Variants in TRHR observed in about 807,000 individuals in gnomAD.
TRHR encodes the protein thyrotropin-releasing hormone receptor.
In TRHR, 14 loss-of-function variants were observed where a neutral mutation model predicts 28.0. The observed-to-expected ratio is 0.50, with a 90% CI of 0.33 to 0.78. The LOEUF (loss-of-function observed/expected upper bound fraction) is 0.78, where lower values mean the gene tolerates loss of function less well. Ranked by LOEUF, TRHR falls within the 30% of genes least tolerant of loss-of-function variation. The probability of loss-of-function intolerance (pLI) is 0.02; values close to 1 mark genes in which losing one functional copy is unlikely to be tolerated. For synonymous variants in TRHR, 176 were observed against 171.9 expected (o/e 1.02, Z -0.18); for missense variants, 438 against 469.5 (o/e 0.93, Z 0.62).
In TRHR at chr8:109,119,980, A is replaced by T. The variant is rs189512889; in HGVS notation, c.*525A>T. Among the ~76,000 whole-genome samples, 45 of 152,012 alleles carry T rather than the reference A, an allele frequency of 3.0e-4. No individual in the cohort carries two copies. The highest frequency in any genetic ancestry group is 2.9e-4 in the Non-Finnish European group (20 of 67,860). On this transcript the variant is annotated 3_prime_UTR_variant, in exon 3 of 3. Transcript: ENST00000518632. ...ATTTTATTTATTGAGTAAAAATAAG[A>T]TTTTAGACATACATGTTAACTGTAT...
intron 2 of TRHR, among the ~76,000 whole-genome samples, chr8:109,101,047 G>A (rs1811671774): frequency 6.6e-6 from 1 of 152,144 alleles, no homozygotes; most frequent in Non-Finnish European, 1.5e-5. Flanking sequence ...AGCTTCTAAT[G>A]GCTATGGAAA....
chr8:109,091,377 A>G (rs1320721151), intron 2 of TRHR, among the ~76,000 whole-genome samples: 1 of 152,194 alleles, frequency 6.6e-6, no homozygotes, highest in Non-Finnish European at 1.5e-5. Context: ...AGTTTTGTAC[A>G]AAATTAGTGA....
At chr8:109,087,339 A>T in intron 1 of TRHR, 86 bp from the exon 2 acceptor site, 1 of 716,124 alleles carries the variant, frequency 1.4e-6, no homozygotes, top group Non-Finnish European at 2.4e-6. Flanking sequence ...GGGAAGTGAA[A>T]GGAGTGGAAG....
At chr8:109,111,547 A>C (rs1164135112) in intron 2 of TRHR, among the ~76,000 whole-genome samples, 1 of 152,232 alleles carries the variant, frequency 6.6e-6, no homozygotes, top group Non-Finnish European at 1.5e-5. Context: ...TCCAGAAAGA[A>C]GTATATTTCT....
At chr8:109,089,424 G>A (rs1811492152) in intron 2 of TRHR, among the ~76,000 whole-genome samples, 1 of 151,188 alleles carries the variant, frequency 6.6e-6, no homozygotes. Context: ...ATAAACTCCA[G>A]CTGATATATG....
At chr8:109,087,394 G>C (rs1046038957) in intron 1 of TRHR, 31 bp from the exon 2 acceptor site, 1 of 1,079,236 alleles carries the variant, frequency 9.3e-7, no homozygotes. Flanking sequence ...TTGTAACACT[G>C]TTAATGAATA....
intron 2 of TRHR, among the ~76,000 whole-genome samples, chr8:109,088,539 G>T (rs1363144146): frequency 6.6e-6 from 1 of 152,112 alleles, no homozygotes; most frequent in Non-Finnish European, 1.5e-5. Context: ...GTGCTATTAA[G>T]ATACAAAGAA....
rs76925842 is a variant in TRHR at position 109,110,158 on chromosome 8, T to G, written c.790-8890T>G. 2.0e-3 allele frequency among the ~76,000 whole-genome samples: 297 copies of G among 152,240 alleles called. 1 individual carries two copies. The highest frequency in any genetic ancestry group is 6.8e-3 in the African/African-American group (281 of 41,560). On this transcript the variant is annotated intron_variant, in intron 2 of 2. Transcript: ENST00000518632. ...ACCCCACCTATCTTTCTCAGCACACTCTAGAATTGTGAATAAAAAACTTTT... is the reference window on the plus strand; with the variant it reads ...ACCCCACCTATCTTTCTCAGCACACGCTAGAATTGTGAATAAAAAACTTTT...
intron 2 of TRHR, among the ~76,000 whole-genome samples, chr8:109,109,727 T>C (rs1341894284): frequency 6.6e-6 from 1 of 152,174 alleles, no homozygotes; most frequent in Non-Finnish European, 1.5e-5. Flanking sequence ...TGGTGCAACT[T>C]AGCATTGAAC....
At chr8:109,109,736 A>G (rs1203531300) in intron 2 of TRHR, among the ~76,000 whole-genome samples, 1 of 152,024 alleles carries the variant, frequency 6.6e-6, no homozygotes, top group Non-Finnish European at 1.5e-5. Flanking sequence ...TTAGCATTGA[A>G]CCCCAGTTCC....
chr8:109,102,949 C>G (rs1380832185), intron 2 of TRHR, among the ~76,000 whole-genome samples: 1 of 152,048 alleles, frequency 6.6e-6, no homozygotes, highest in African/African-American at 2.4e-5. Flanking sequence ...GCTGTTGCAG[C>G]CAGGGACACA....
rs1038065460 is a variant in TRHR, at chr8:109,119,935, G to A, written c.*480G>A. Among the ~76,000 whole-genome samples, 10 of 151,680 alleles carry A rather than the reference G, an allele frequency of 6.6e-5. No individual in the cohort carries two copies. Among genetic ancestry groups the A allele is most frequent in the African/African-American group, 2.2e-4 (9 of 41,344 alleles). On this transcript the variant is annotated 3_prime_UTR_variant, in exon 3 of 3. Transcript: ENST00000518632. ...TAGTTCATGAATATCTGAAATTAAAGGGAAAAATATTACAGAAACATTTTA... is the reference window on the plus strand; with the variant it reads ...TAGTTCATGAATATCTGAAATTAAAAGGAAAAATATTACAGAAACATTTTA...
intron 2 of TRHR, among the ~76,000 whole-genome samples, chr8:109,092,765 GC>G (rs1181302670): frequency 1.3e-5 from 2 of 151,940 alleles, no homozygotes; most frequent in Non-Finnish European, 2.9e-5. Context: ...AGTAATGCAC[GC>G]CTTTTGCTGT....
intron 2 of TRHR, among the ~76,000 whole-genome samples, chr8:109,090,408 T>A (rs1285084343): frequency 6.6e-6 from 1 of 152,252 alleles, no homozygotes; most frequent in African/African-American, 2.4e-5. Context: ...TTAAGGAGTT[T>A]TTTTAAATAA....
chr8:109,104,848 C>T (rs1049913163), intron 2 of TRHR, among the ~76,000 whole-genome samples: 6 of 151,970 alleles, frequency 3.9e-5, no homozygotes, highest in African/African-American at 1.2e-4. Flanking sequence ...AACTGGGCAC[C>T]GGGGCTCATA....
At chr8:109,092,164 C>A (rs902054093) in intron 2 of TRHR, among the ~76,000 whole-genome samples, 3 of 152,052 alleles carry the variant, frequency 2.0e-5, no homozygotes, top group African/African-American at 7.2e-5. Flanking sequence ...AAACAGGCTA[C>A]CAGTTTTATT....
chr8:109,106,567 G>C (rs977338516), intron 2 of TRHR, among the ~76,000 whole-genome samples: 3 of 152,070 alleles, frequency 2.0e-5, no homozygotes, highest in Admixed American at 1.3e-4. Flanking sequence ...ATTGCATGCT[G>C]CTCTATCAAT....
chr8:109,100,770 G>A (rs1476238266), intron 2 of TRHR, among the ~76,000 whole-genome samples: 2 of 152,144 alleles, frequency 1.3e-5, no homozygotes, highest in Non-Finnish European at 2.9e-5. Flanking sequence ...GGCTTGTGGA[G>A]AGGCGGGCAC....
chr8:109,095,382 C>T (rs960855371), intron 2 of TRHR, among the ~76,000 whole-genome samples: 10 of 151,922 alleles, frequency 6.6e-5, no homozygotes, highest in South Asian at 4.2e-4. Flanking sequence ...GCTATAAAGT[C>T]AGAGAAAAAA....
Sources: allele counts gnomAD v4.1 joint callset (sites outside exome capture counted in the v4.1 genomes callset), GRCh38; gene constraint gnomAD v4.1.1; transcripts MANE v1.5; gene names NCBI Gene and HGNC (gene_info 2026-07-23, HGNC 2026-07-21).